Variants in ASTN2 observed in about 807,000 individuals in gnomAD.
ASTN2 encodes the protein astrotactin 2.
In ASTN2, 54 loss-of-function variants were observed where a neutral mutation model predicts 139.8. The observed-to-expected ratio is 0.39, with a 90% CI of 0.31 to 0.48. The LOEUF (loss-of-function observed/expected upper bound fraction) is 0.48. ASTN2 is among the 20% of genes least tolerant of loss of function. The pLI, the probability that ASTN2 is intolerant of heterozygous loss-of-function variation, is 0.95. For missense variants in ASTN2, 1,565 were observed against 1,725.1 expected (o/e 0.91, Z 1.64); for synonymous variants, 756 against 719.5 (o/e 1.05, Z -0.81).
intron 10 of ASTN2, among the ~76,000 whole-genome samples, chr9:116,882,152 C>T (rs897719335): frequency 6.6e-6 from 1 of 152,182 alleles, no homozygotes; most frequent in Non-Finnish European, 1.5e-5. Flanking sequence ...TCTGGCCCTG[C>T]ACTCTTAGCT....
chr9:116,731,328 G>T (rs926402123), intron 14 of ASTN2, among the ~76,000 whole-genome samples: 15 of 151,996 alleles, frequency 9.9e-5, no homozygotes, highest in Non-Finnish European at 1.9e-4. Flanking sequence ...GATACCCATA[G>T]TGTGCCAAGC....
chr9:116,854,703 G>A (rs1235942530), intron 11 of ASTN2, among the ~76,000 whole-genome samples: 2 of 148,866 alleles, frequency 1.3e-5, no homozygotes, highest in African/African-American at 2.5e-5. Flanking sequence ...CCAGGCTGGA[G>A]TGCAGTGGCA....
In ASTN2 at chr9:117,414,403, C is replaced by T; in HGVS notation, c.442+94G>A. 6.4e-7 allele frequency: 1 copy of T among 1,551,776 alleles called. No homozygotes were observed. The highest frequency in any genetic ancestry group is 8.7e-7 in the Non-Finnish European group (1 of 1,149,408). ...CTGCCAACCCCACTCGGGGCAGCCC[C>T]GGGCAGGGATCCCCAGGGCGCCCCC... On this transcript the variant is annotated intron_variant, in intron 1 of 22. Coordinates refer to ENST00000313400, the MANE Select transcript of ASTN2 (RefSeq NM_001365068.1). The surrounding 1 kb of genome is among the most constrained non-coding windows in gnomAD (Gnocchi z 4.2).
At chr9:116,901,258 C>T (rs968642813) in intron 10 of ASTN2, among the ~76,000 whole-genome samples, 1 of 152,158 alleles carries the variant, frequency 6.6e-6, no homozygotes, top group Non-Finnish European at 1.5e-5. Context: ...GGTGCAGTGG[C>T]TTACACCCAT....
intron 19 of ASTN2, among the ~76,000 whole-genome samples, chr9:116,601,223 G>T (rs915860618): frequency 6.6e-6 from 1 of 152,192 alleles, no homozygotes; most frequent in Admixed American, 6.5e-5. Context: ...AGCATCAATA[G>T]TAGAGAGAAG....
chr9:117,178,340 AT>A (rs1387411876), intron 3 of ASTN2, among the ~76,000 whole-genome samples: 3 of 152,148 alleles, frequency 2.0e-5, no homozygotes, highest in Non-Finnish European at 4.4e-5. Context: ...CAGACACTCA[AT>A]GAGTGTCAGT....
At chr9:116,876,200 T>C (rs954605638) in intron 10 of ASTN2, among the ~76,000 whole-genome samples, 1 of 152,154 alleles carries the variant, frequency 6.6e-6, no homozygotes, top group South Asian at 2.1e-4. Flanking sequence ...CATGAATGAC[T>C]TTGAGGGGTT....
intron 1 of ASTN2, among the ~76,000 whole-genome samples, chr9:117,356,977 T>C (rs1036220414): frequency 6.6e-6 from 1 of 151,890 alleles, no homozygotes; most frequent in African/African-American, 2.4e-5. Flanking sequence ...GGCAAGAGAA[T>C]CACTTGAACC....
At position 117,414,838 on chromosome 9, in the gene ASTN2, A is replaced by AGCGGCAGCAGTG. The variant is rs1353347326; in HGVS notation, c.89_100dup (p.Pro30_Pro33dup). 17 of 1,158,958 alleles carry AGCGGCAGCAGTG rather than the reference A, an allele frequency of 1.5e-5. No individual in the cohort carries two copies. The highest frequency in any genetic ancestry group is 1.8e-5 in the Non-Finnish European group (17 of 936,986). The allele number at this position is 1,158,958 out of a possible 1,614,324, so 71.8% of individuals were successfully genotyped here. ...CAGCAGGAGCAGGAACAGCAGCAGC[A>AGCGGCAGCAGTG]GCGGCAGCAGTGGCGGCGGCCCCGG... On this transcript the variant is annotated inframe_insertion, in exon 1 of 23. Coordinates refer to ENST00000313400, the MANE Select transcript of ASTN2 (RefSeq NM_001365068.1). The surrounding 1 kb of genome is among the most constrained non-coding windows in gnomAD (Gnocchi z 4.2).
At chr9:116,775,392 C>T (rs1389439881) in intron 13 of ASTN2, among the ~76,000 whole-genome samples, 4 of 144,596 alleles carry the variant, frequency 2.8e-5, no homozygotes, top group Non-Finnish European at 1.5e-5. Context: ...ACTTTATCCA[C>T]AAGAAAGGAA....
rs961188801 is a variant in ASTN2, at chr9:117,012,393, A to G, written c.1424-4134T>C. ...AGGGTCAAGGGAGGTGCCATATCAG[A>G]GCCTGAAAAGAAGTAACTTTGTGCC... On this transcript the variant is annotated intron_variant, in intron 6 of 22. Transcript: ENST00000313400. 2.0e-5 allele frequency among the ~76,000 whole-genome samples: 3 copies of G among 152,182 alleles called. No homozygotes were observed. The East Asian group carries it at 5.8e-4, about 29-fold the overall frequency.
At chr9:116,985,285 T>C (rs1380052737) in intron 7 of ASTN2, among the ~76,000 whole-genome samples, 2 of 152,230 alleles carry the variant, frequency 1.3e-5, no homozygotes, top group Admixed American at 1.3e-4. Context: ...CTTATTGTTA[T>C]TCATCAGCAC....
intron 6 of ASTN2, among the ~76,000 whole-genome samples, chr9:117,034,888 G>C (rs2132640051): frequency 6.6e-6 from 1 of 152,296 alleles, no homozygotes; most frequent in East Asian, 1.9e-4. Flanking sequence ...GATAGGAACT[G>C]TGTCAGAACT....
intron 10 of ASTN2, among the ~76,000 whole-genome samples, chr9:116,930,283 G>A (rs754878416): frequency 2.0e-5 from 3 of 152,166 alleles, no homozygotes; most frequent in Non-Finnish European, 4.4e-5. Context: ...TGGATATAAG[G>A]AGGTGCCTAT....
intron 5 of ASTN2, 48 bp downstream of exon 5, chr9:117,095,996 T>A: frequency 6.4e-7 from 1 of 1,551,950 alleles, no homozygotes; most frequent in Non-Finnish European, 8.9e-7. Context: ...ATTTCCAGGA[T>A]TTCCTTCTAC....
At chr9:116,471,408 C>T (rs1434787104) in intron 20 of ASTN2, among the ~76,000 whole-genome samples, 1 of 152,144 alleles carries the variant, frequency 6.6e-6, no homozygotes, top group East Asian at 1.9e-4. Context: ...AGGGGTGCCT[C>T]CTGAAACTCC....
At chr9:117,390,514 C>T (rs1830513643) in intron 1 of ASTN2, among the ~76,000 whole-genome samples, 1 of 152,186 alleles carries the variant, frequency 6.6e-6, no homozygotes, top group Non-Finnish European at 1.5e-5. Context: ...CTTTCCCTCC[C>T]TACTAGTCCT....
intron 12 of ASTN2, among the ~76,000 whole-genome samples, chr9:116,820,049 C>T (rs1421609493): frequency 6.6e-6 from 1 of 152,214 alleles, no homozygotes; most frequent in Admixed American, 6.5e-5. Context: ...CAGTTTGAGT[C>T]CTTCAAGAGC....
intron 13 of ASTN2, among the ~76,000 whole-genome samples, chr9:116,739,059 A>T (rs1049768584): frequency 6.6e-6 from 1 of 152,084 alleles, no homozygotes; most frequent in Admixed American, 6.5e-5. Flanking sequence ...CATCTGCCAA[A>T]TTTATCTATA....
Sources: gnomAD v4.1 joint callset for allele counts (sites outside exome capture counted in the v4.1 genomes callset) on GRCh38, gnomAD v4.1.1 for gene constraint, Gnocchi (gnomAD v3.1) non-coding constraint, MANE v1.5 for transcripts, NCBI Gene and HGNC (gene_info 2026-07-23, HGNC 2026-07-21) for gene names.